CSMD1: variants seen among roughly 807,000 people sequenced by gnomAD.
The protein encoded by CSMD1 is CUB and sushi domain-containing protein 1.
A neutral mutation model predicts 417.5 loss-of-function variants in CSMD1; 213 were observed. That is an observed-to-expected ratio of 0.51 (90% CI 0.46 to 0.57). The LOEUF is 0.57. Ranked by LOEUF, CSMD1 falls within the 20% of genes least tolerant of loss-of-function variation. The probability of loss-of-function intolerance (pLI) is 0.00; values close to 1 mark genes in which losing one functional copy is unlikely to be tolerated. For missense variants in CSMD1, 6,923 were observed against 4,529.7 expected, an observed-to-expected ratio of 1.53 and a Z score of -15.17; for synonymous variants, 2,862 against 1,736.8, an observed-to-expected ratio of 1.65 and a Z score of -16.11.
intron 59 of CSMD1, among the ~76,000 whole-genome samples, chr8:2,965,394 C>A (rs1803866235): frequency 6.6e-6 from 1 of 152,188 alleles, no homozygotes; most frequent in South Asian, 2.1e-4. Flanking sequence ...TCTCTCCAAC[C>A]TGCCTCTAAA....
chr8:3,015,758 C>T (rs1333045556), intron 52 of CSMD1, among the ~76,000 whole-genome samples: 1 of 151,974 alleles, frequency 6.6e-6, no homozygotes, highest in Admixed American at 6.6e-5. Context: ...TTCAAAAGAG[C>T]CGTAACCATG....
At chr8:3,072,249 T>C (rs549852428) in intron 49 of CSMD1, among the ~76,000 whole-genome samples, 8 of 152,328 alleles carry the variant, frequency 5.3e-5, no homozygotes, top group Admixed American at 3.9e-4. Flanking sequence ...AAGAGTCCAA[T>C]TAATGATTTT....
intron 5 of CSMD1, among the ~76,000 whole-genome samples, chr8:3,929,368 A>G (rs1160696371): frequency 1.3e-5 from 2 of 150,532 alleles, no homozygotes; most frequent in Non-Finnish European, 3.0e-5. Flanking sequence ...ATTATTTGAA[A>G]AAGTTCGTGA....
chr8:3,196,311 T>C lies in CSMD1; in HGVS notation c.5194+3403A>G, dbSNP rs186512417. Among the ~76,000 whole-genome samples the C allele has an allele frequency of 1.2e-4, 18 of 152,262 alleles. No individual in the cohort carries two copies. The East Asian group carries it at 2.5e-3, about 21-fold the overall frequency. Reference sequence around the variant, plus strand: ...CCTTTCCCAGAAAACTCACTAATAATCCATCCCTCATTTAGCATATAATCA... The same window carrying C: ...CCTTTCCCAGAAAACTCACTAATAACCCATCCCTCATTTAGCATATAATCA... On this transcript the variant is annotated intron_variant, in intron 33 of 69. Transcript: ENST00000635120.
At chr8:4,118,217 T>A (rs7825474) in intron 3 of CSMD1, among the ~76,000 whole-genome samples, 150,623 of 152,258 alleles carry the variant, frequency 0.99, 74,528 homozygotes, top group East Asian at 1. Flanking sequence ...AAAAACTAAA[T>A]TTTTAGCACA....
chr8:3,470,362 T>C (rs1452743328), intron 11 of CSMD1, among the ~76,000 whole-genome samples: 1 of 152,190 alleles, frequency 6.6e-6, no homozygotes, highest in South Asian at 2.1e-4. Context: ...TTTATTAAGA[T>C]AATTGTGGAT....
chr8:4,870,806 A>C lies in CSMD1; in HGVS notation c.85+123526T>G, dbSNP rs184158875. 1.2e-3 allele frequency among the ~76,000 whole-genome samples: 188 copies of C among 152,238 alleles called. 1 individual carries two copies. The highest frequency in any genetic ancestry group is 7.4e-3 in the Admixed American group (113 of 15,302). On this transcript the variant is annotated intron_variant, in intron 1 of 69. Transcript: ENST00000635120. ...CCTCGGAAAATGCCACCGAGGAAGA[A>C]AGAGCGAGGAGTGCATTTGCTGGCT...
intron 1 of CSMD1, among the ~76,000 whole-genome samples, chr8:4,898,402 C>G (rs1284894197): frequency 1.3e-5 from 2 of 152,136 alleles, no homozygotes; most frequent in Admixed American, 1.3e-4. Flanking sequence ...ACTAGCAATT[C>G]AGGCCACACA....
chr8:4,912,560 G>T (rs1279001917), intron 1 of CSMD1, among the ~76,000 whole-genome samples: 2 of 152,138 alleles, frequency 1.3e-5, no homozygotes, highest in Non-Finnish European at 2.9e-5. Flanking sequence ...TGACTTCACT[G>T]GGGTAGTCTG....
chr8:3,675,084 T>C lies in CSMD1; in HGVS notation c.1009+33330A>G, dbSNP rs185996024. Among the ~76,000 whole-genome samples the C allele has an allele frequency of 3.7e-3, 561 of 152,276 alleles. 3 individuals are homozygous for C. The highest frequency in any genetic ancestry group is 0.012 in the African/African-American group (496 of 41,566). ...GAAACCTGACGAATACCGTCGACCATAAAACGCCATCTTGAAGAGATGCAG... is the reference window on the plus strand; with the variant it reads ...GAAACCTGACGAATACCGTCGACCACAAAACGCCATCTTGAAGAGATGCAG... On this transcript the variant is annotated intron_variant, in intron 7 of 69. Transcript: ENST00000635120.
chr8:3,343,319 G>A lies in CSMD1; in HGVS notation c.3606C>T (p.Asp1202=), dbSNP rs1807782451. The A allele has an allele frequency of 6.2e-7, 1 of 1,613,600 alleles. No individual in the cohort carries two copies. The highest frequency in any genetic ancestry group is 1.7e-5 in the Admixed American group (1 of 59,974). Residue 1202 remains aspartate (D), a synonymous_variant, in exon 23 of 70, where the codon GAC becomes GAT. Coordinates refer to ENST00000635120, the MANE Select transcript of CSMD1 (RefSeq NM_033225.6). The part of the protein sequence containing the change: ...LEFNTNGSDT[D]QGFQLTYTSF... The stretch of plus-strand genomic sequence containing the variant: ...TGGTATAGGTGAGTTGAAAACCTTG[G>A]TCGGTGTCAGATCCATTGGTGTTGA...
intron 10 of CSMD1, among the ~76,000 whole-genome samples, chr8:3,570,450 T>C (rs757408712): frequency 2.6e-5 from 4 of 152,196 alleles, no homozygotes; most frequent in African/African-American, 7.2e-5. Flanking sequence ...ATGTCTTCCA[T>C]CTCTAGCCAA....
At chr8:4,840,013 G>A (rs918518308) in intron 1 of CSMD1, among the ~76,000 whole-genome samples, 2 of 152,120 alleles carry the variant, frequency 1.3e-5, no homozygotes, top group African/African-American at 4.8e-5. Flanking sequence ...TTTTTGTCCT[G>A]CATGCACAAA....
chr8:3,819,271 A>C (rs1159004095), intron 5 of CSMD1, among the ~76,000 whole-genome samples: 1 of 152,154 alleles, frequency 6.6e-6, no homozygotes, highest in African/African-American at 2.4e-5. Context: ...TTCAGTTATA[A>C]GGAACTTCTC....
chr8:4,241,769 T>C (rs1462646339), intron 3 of CSMD1, among the ~76,000 whole-genome samples: 1 of 151,620 alleles, frequency 6.6e-6, no homozygotes, highest in Non-Finnish European at 1.5e-5. Context: ...AGTGGCGTGA[T>C]CTCAGATGTC....
intron 4 of CSMD1, among the ~76,000 whole-genome samples, chr8:4,014,301 G>C (rs948503759): frequency 2.6e-5 from 4 of 152,152 alleles, no homozygotes; most frequent in Non-Finnish European, 5.9e-5. Context: ...GCGTGTCGAA[G>C]TGAACATGGG....
At chr8:4,854,589 T>G (rs1357567714) in intron 1 of CSMD1, among the ~76,000 whole-genome samples, 1 of 152,148 alleles carries the variant, frequency 6.6e-6, no homozygotes. Flanking sequence ...GGCGAGGCAT[T>G]GCCTCACTTG....
intron 3 of CSMD1, among the ~76,000 whole-genome samples, chr8:4,111,912 C>T (rs2130912737): frequency 6.6e-6 from 1 of 152,192 alleles, no homozygotes; most frequent in East Asian, 1.9e-4. Context: ...GCACATGTAC[C>T]CCAGAACTTA....
rs1485288374 is a variant in CSMD1, at chr8:4,227,390, CTTATAAGAACCCTGTTGTCTTCCA to C, written c.415+192539_415+192562del. 2.0e-5 allele frequency among the ~76,000 whole-genome samples: 3 copies of C among 152,092 alleles called. No homozygotes were observed. The East Asian group carries it at 5.8e-4, about 29-fold the overall frequency. The stretch of plus-strand genomic sequence containing the variant: ...CATTTTAAGAACCCTATTCTATCCA[CTTATAAGAACCCTGTTGTCTTCCA>C]TTATAAGAACCCTATGGTCAAAGCC... On this transcript the variant is annotated intron_variant, in intron 3 of 69. Transcript: ENST00000635120.
Sources: gnomAD v4.1 joint callset for allele counts (sites outside exome capture counted in the v4.1 genomes callset) on GRCh38, gnomAD v4.1.1 for gene constraint, MANE v1.5 for transcripts, NCBI Gene and HGNC (gene_info 2026-07-23, HGNC 2026-07-21) for gene names.